The following MYSM1 variants were observed in gnomAD, a reference collection of about 807,000 sequenced individuals.
MYSM1 encodes Myb like, SWIRM and MPN domains 1.
In MYSM1, 51 loss-of-function variants were observed where a neutral mutation model predicts 116.0. The ratio of observed to expected loss-of-function variants is 0.44; its 90% CI spans 0.35 to 0.56. MYSM1 has a LOEUF of 0.56. Ranked by LOEUF, MYSM1 falls within the 20% of genes least tolerant of loss-of-function variation. MYSM1 has a pLI of 0.00. For missense variants in MYSM1, 900 were observed against 974.9 expected, an observed-to-expected ratio of 0.92 and a Z score of 1.02; for synonymous variants, 313 against 315.2, an observed-to-expected ratio of 0.99 and a Z score of 0.07.
rs1220070335 is a variant in MYSM1, at chr1:58,675,573, A to G, written c.1398T>C (p.Ala466=). 3.7e-6 allele frequency: 6 copies of G among 1,612,400 alleles called. No homozygotes were observed. The highest frequency in any genetic ancestry group is 2.2e-5 in the East Asian group (1 of 44,870). The change falls in exon 10 of 20, where the codon GCT becomes GCC. Residue 466 remains alanine (A), a synonymous_variant. Transcript: ENST00000472487. ...IGAINFGCEQ[A]VYNRPQTVDK... Reference sequence around the variant, plus strand: ...CAACTGTTTGTGGCCTATTATACACAGCCTGTTCTATTGGAATTCAGGAAA... The same window carrying G: ...CAACTGTTTGTGGCCTATTATACACGGCCTGTTCTATTGGAATTCAGGAAA...
In MYSM1 at chr1:58,661,180, C is replaced by A. The variant is rs912722517; in HGVS notation, c.2318G>T (p.Cys773Phe). 2.5e-6 allele frequency: 4 copies of A among 1,612,826 alleles called. No individual in the cohort carries two copies. ...KIFRRDSDLT[C>F]LQKLLECMRK... ...ATGAAGACAGCTTACTTTCTGCAAA[C>A]AAGTCAGGTCAGAATCCCGGCGAAA... The change falls in exon 19 of 20, where the codon TGT becomes TTT. Residue 773 changes from cysteine (C) to phenylalanine (F), a missense_variant. By Grantham distance (205) the Cys-to-Phe change is radical. This residue lies in a region of MYSM1 where 186 missense variants were observed against 196.2 expected (regional missense o/e 0.95). Coordinates refer to ENST00000472487, the MANE Select transcript of MYSM1 (RefSeq NM_001085487.3).
rs17118077 is a variant in MYSM1 at position 58,671,628 on chromosome 1, C to G, written c.1661+242G>C. On this transcript the variant is annotated intron_variant, in intron 12 of 19. Coordinates refer to ENST00000472487, the MANE Select transcript of MYSM1 (RefSeq NM_001085487.3). ...TCTAGAGTTGAATGACCAACCTGTC[C>G]TAAACAGGGCCCCTTTACAACATAT... is the stretch of plus-strand genomic sequence containing the variant. Among the ~76,000 whole-genome samples the G allele has an allele frequency of 6.1e-4, 93 of 152,206 alleles. 1 individual carries two copies. In the East Asian group the frequency reaches 0.013, roughly 21 times the overall value.
Position 58,657,056 on chromosome 1 carries a change from C to T in MYSM1, c.*2941G>A, listed in dbSNP as rs953384316. 2 of 151,956 alleles carry T rather than the reference C, an allele frequency of 1.3e-5. No homozygotes were observed. The highest frequency in any genetic ancestry group is 1.3e-4 in the Admixed American group (2 of 15,252). 9.4% of individuals were successfully genotyped at this position (151,956 alleles called of 1,614,324 possible). A position where few individuals can be genotyped will look rare whatever the true frequency, so the allele number is the denominator to read the frequency against. On this transcript the variant is annotated 3_prime_UTR_variant, in exon 20 of 20. Coordinates refer to ENST00000472487, the MANE Select transcript of MYSM1 (RefSeq NM_001085487.3). ...TGTAACTGAAGCAATGTAACTTGAA[C>T]TGGAAACTGAAGATAATTTAAAAGG...
chr1:58,681,649 A>G, intron 8 of MYSM1, 136 bp downstream of exon 8: 1 of 899,030 alleles, frequency 1.1e-6, no homozygotes, highest in Non-Finnish European at 1.6e-6. Flanking sequence ...TTTTTTCATT[A>G]CAAGAAATCT....
intron 1 of MYSM1, among the ~76,000 whole-genome samples, chr1:58,698,100 A>ATTTTTTTTTTTTTTT (rs1446935480): frequency 6.0e-4 from 3 of 4,960 alleles, no homozygotes; most frequent in African/African-American, 1.0e-3. Flanking sequence ...ATATATATAT[A>ATTTTTTTTTTTTTTT]TATTTTTTTT....
rs1275842469 is a variant in MYSM1, at chr1:58,656,479, C to G, written c.*3518G>C. 2.0e-5 allele frequency: 3 copies of G among 152,106 alleles called. No homozygotes were observed. The highest frequency in any genetic ancestry group is 7.2e-5 in the African/African-American group (3 of 41,412). The allele number at this position is 152,106 out of a possible 1,614,324, so 9.4% of individuals were successfully genotyped here. ...GGATGTTTCCCTTTCAAGTGTGGCACGAGTTTCAAAACTACAGATTAGGGA... is the reference window on the plus strand; with the variant it reads ...GGATGTTTCCCTTTCAAGTGTGGCAGGAGTTTCAAAACTACAGATTAGGGA... On this transcript the variant is annotated 3_prime_UTR_variant, in exon 20 of 20. Transcript: ENST00000472487.
chr1:58,666,284 C>G (rs541886451), intron 16 of MYSM1, among the ~76,000 whole-genome samples: 1 of 152,056 alleles, frequency 6.6e-6, no homozygotes, highest in Non-Finnish European at 1.5e-5. Context: ...TTACAAATAC[C>G]CTACAGCAAA....
In MYSM1 at chr1:58,695,226, T is replaced by C. The variant is rs1644957731; in HGVS notation, c.69-19A>G. On this transcript the variant is annotated intron_variant, in intron 1 of 19. Transcript: ENST00000472487. ...ACCACTTCTGTAATAATTAAGAAAA[T>C]GAGTATATAAGTGAAAATCATATTA... 6.9e-7 allele frequency: 1 copy of C among 1,454,148 alleles called. No individual in the cohort carries two copies. The highest frequency in any genetic ancestry group is 9.6e-7 in the Non-Finnish European group (1 of 1,037,274). The allele number at this position is 1,454,148 out of a possible 1,614,324, so 90.1% of individuals were successfully genotyped here. A position where few individuals can be genotyped will look rare whatever the true frequency, so the allele number is the denominator to read the frequency against.
rs1207690413 is a variant in MYSM1 at position 58,658,689 on chromosome 1, TCTGA to T, written c.*1304_*1307del. On this transcript the variant is annotated 3_prime_UTR_variant, in exon 20 of 20. Coordinates refer to ENST00000472487, the MANE Select transcript of MYSM1 (RefSeq NM_001085487.3). ...TTGGTGAATAGCTATAAATCAATTC[TCTGA>T]CTACTAAGAAATAAACTAAAATCTA... 3.7e-5 allele frequency: 5 copies of T among 135,374 alleles called. No homozygotes were observed. 8.4% of individuals were successfully genotyped at this position (135,374 alleles called of 1,614,324 possible). A position where few individuals can be genotyped will look rare whatever the true frequency, so the allele number is the denominator to read the frequency against.
rs1158945298 is a variant in MYSM1, at chr1:58,682,434, G to A, written c.610C>T (p.Arg204Cys). Residue 204 changes from arginine to cysteine, a missense_variant, in exon 8 of 20, where the codon CGT (arginine) becomes TGT (cysteine). Arg to Cys is a radical substitution (Grantham distance 180). Transcript: ENST00000472487. ...ACAGCATTCAAGTTGGGATCAGCAC[G>A]TCCCCTTAAACATGATGGTGTCCAT... ...KAWTPSCLRG[R>C]ADPNLNAVKI... 9.3e-6 allele frequency: 15 copies of A among 1,614,076 alleles called. No individual in the cohort carries two copies. The highest frequency in any genetic ancestry group is 4.0e-5 in the African/African-American group (3 of 75,022).
chr1:58,688,910 G>T lies in MYSM1; in HGVS notation c.399+128C>A, dbSNP rs570343823. On this transcript the variant is annotated intron_variant, in intron 6 of 19. Coordinates refer to ENST00000472487, the MANE Select transcript of MYSM1 (RefSeq NM_001085487.3). ...AAACATCATTACTCTAACTACAGAA[G>T]AACTAAAGGTGTTAAAACTGTAATT... 16 of 736,800 alleles carry T rather than the reference G, an allele frequency of 2.2e-5. No individual in the cohort carries two copies. The South Asian group carries it at 2.5e-4, about 12-fold the overall frequency. The allele number at this position is 736,800 out of a possible 1,614,324, so 45.6% of individuals were successfully genotyped here.
Position 58,681,774 on chromosome 1 carries a change from TTC to T in MYSM1, c.1259+9_1259+10del. 6.4e-7 allele frequency: 1 copy of T among 1,567,100 alleles called. No homozygotes were observed. Among genetic ancestry groups the T allele is most frequent in the Non-Finnish European group, 8.6e-7 (1 of 1,161,590 alleles). ...TTTTAAAACAACATCTATAATGTAA[TTC>T]TTTCTTACCATTGATCCAAAATATA... is the stretch of plus-strand genomic sequence containing the variant. On this transcript the variant is annotated intron_variant, in intron 8 of 19. Coordinates refer to ENST00000472487, the MANE Select transcript of MYSM1 (RefSeq NM_001085487.3).
In MYSM1 at chr1:58,671,851, C is replaced by T. The variant is rs771627288; in HGVS notation, c.1661+19G>A. 1 of 1,585,598 alleles carries T rather than the reference C, an allele frequency of 6.3e-7. No homozygotes were observed. The highest frequency in any genetic ancestry group is 8.6e-7 in the Non-Finnish European group (1 of 1,163,404). On this transcript the variant is annotated intron_variant, in intron 12 of 19. Coordinates refer to ENST00000472487, the MANE Select transcript of MYSM1 (RefSeq NM_001085487.3). ...ATTTGTGATAAATGTTTAAAAACCACATTTATATAACACTACACCTTTTTG... is the reference window on the plus strand; with the variant it reads ...ATTTGTGATAAATGTTTAAAAACCATATTTATATAACACTACACCTTTTTG...
chr1:58,684,930 C>A (rs1044980643), intron 7 of MYSM1, among the ~76,000 whole-genome samples: 1 of 152,066 alleles, frequency 6.6e-6, no homozygotes, highest in Non-Finnish European at 1.5e-5. Context: ...ACTATTTTGT[C>A]CATTTAACTT....
rs2100693763 is a variant in MYSM1 at position 58,700,037 on chromosome 1, C to T, written c.16G>A (p.Ala6Thr). 5.6e-6 allele frequency: 9 copies of T among 1,613,838 alleles called. No individual in the cohort carries two copies. The highest frequency in any genetic ancestry group is 5.5e-5 in the South Asian group (5 of 91,092). The stretch of plus-strand genomic sequence containing the variant: ...ACGTCCCCTTCGATATCCACATCCG[C>T]CTCTTCAGCCGCCATGATGGGACCT... MAAEE[A>T]DVDIEGDVVA... Residue 6 changes from alanine to threonine, a missense_variant, in exon 1 of 20, where the codon GCG (alanine) becomes ACG (threonine). This residue lies in a region of MYSM1 where 622 missense variants were observed against 623.7 expected (regional missense o/e 1.00). Coordinates refer to ENST00000472487, the MANE Select transcript of MYSM1 (RefSeq NM_001085487.3).
chr1:58,660,236 C>A, intron 19 of MYSM1, 81 bp from the exon 20 acceptor site: 1 of 810,240 alleles, frequency 1.2e-6, no homozygotes, highest in Non-Finnish European at 1.8e-6. Flanking sequence ...CGTCCCTTTC[C>A]AGACCTCACA....
chr1:58,668,700 A>C lies in MYSM1; in HGVS notation c.1717-18T>G, dbSNP rs1264164814. 2 of 1,592,792 alleles carry C rather than the reference A, an allele frequency of 1.3e-6. No individual in the cohort carries two copies. The highest frequency in any genetic ancestry group is 3.5e-5 in the Admixed American group (2 of 56,718). On this transcript the variant is annotated intron_variant, in intron 13 of 19. Coordinates refer to ENST00000472487, the MANE Select transcript of MYSM1 (RefSeq NM_001085487.3). Reference sequence around the variant, plus strand: ...AATGGCTCCTGAAATATAAAAAACAAAACAAAACGGGGGAGCATAAAAATA... The same window carrying C: ...AATGGCTCCTGAAATATAAAAAACACAACAAAACGGGGGAGCATAAAAATA...
rs1644346578 is a variant in MYSM1, at chr1:58,658,447, TAAG to T, written c.*1547_*1549del. ...TAAAATTTTAGTTCTGGAAGGACAT[TAAG>T]AAGTTAAGTTAGACTTCAGTTACAC... On this transcript the variant is annotated 3_prime_UTR_variant, in exon 20 of 20. Transcript: ENST00000472487. 1 of 152,070 alleles carries T rather than the reference TAAG, an allele frequency of 6.6e-6. No homozygotes were observed. The highest frequency in any genetic ancestry group is 1.5e-5 in the Non-Finnish European group (1 of 68,018). The allele number at this position is 152,070 out of a possible 1,614,324, so 9.4% of individuals were successfully genotyped here.
At chr1:58,670,297 A>G (rs1389357847) in intron 12 of MYSM1, among the ~76,000 whole-genome samples, 1 of 152,262 alleles carries the variant, frequency 6.6e-6, no homozygotes, top group Admixed American at 6.5e-5. Flanking sequence ...GGAGTACTTA[A>G]GAACCACGGA....
Sources: allele counts gnomAD v4.1 joint callset (sites outside exome capture counted in the v4.1 genomes callset), GRCh38; gene constraint gnomAD v4.1.1; regional missense constraint gnomAD v4.1.1; transcripts MANE v1.5; gene names NCBI Gene and HGNC (gene_info 2026-07-23, HGNC 2026-07-21).